NOL4L: variants seen among roughly 807,000 people sequenced by gnomAD.
The protein encoded by NOL4L is nucleolar protein 4 like.
Under a neutral mutation model 64.5 loss-of-function variants are expected in NOL4L, and 7 were observed. That is an observed-to-expected ratio of 0.11 (90% CI 0.06 to 0.20). NOL4L has a LOEUF of 0.20. Among genes scored for constraint, NOL4L ranks in the 10% least tolerant of loss-of-function variants. The pLI is 1.00. For missense variants in NOL4L, 680 were observed against 967.1 expected, an observed-to-expected ratio of 0.70 and a Z score of 3.94; for synonymous variants, 413 against 401.0, an observed-to-expected ratio of 1.03 and a Z score of -0.36.
intron 1 of NOL4L, among the ~76,000 whole-genome samples, chr20:32,564,154 T>C (rs1017590281): frequency 6.6e-6 from 1 of 152,086 alleles, no homozygotes; most frequent in Non-Finnish European, 1.5e-5. Flanking sequence ...CCATGACACA[T>C]CCACACAGTC....
chr20:32,550,783 G>A (rs2018790251), intron 1 of NOL4L, among the ~76,000 whole-genome samples: 1 of 152,146 alleles, frequency 6.6e-6, no homozygotes, highest in Non-Finnish European at 1.5e-5. Flanking sequence ...AGGAGGCTGA[G>A]GCAGGAGAAT....
intron 4 of NOL4L, 125 bp downstream of exon 4, chr20:32,511,222 G>A (rs1259717936): frequency 1.6e-6 from 1 of 642,504 alleles, no homozygotes; most frequent in East Asian, 2.8e-5. Flanking sequence ...CAGATAACCA[G>A]ATAAGGGCCT....
chr20:32,558,907 G>A (rs1465356835), intron 1 of NOL4L, among the ~76,000 whole-genome samples: 3 of 152,242 alleles, frequency 2.0e-5, no homozygotes, highest in Non-Finnish European at 4.4e-5. Flanking sequence ...CTGGACCGGA[G>A]CAGGGGCAGC....
At chr20:32,488,747 T>TTCCTTCCTTCC (rs1392925840) in intron 4 of NOL4L, among the ~76,000 whole-genome samples, 7 of 106,804 alleles carry the variant, frequency 6.6e-5, no homozygotes, top group Admixed American at 4.0e-4. Context: ...CTTTCTTTCT[T>TTCCTTCCTTCC]TTCCTTCCTT....
intron 6 of NOL4L, among the ~76,000 whole-genome samples, chr20:32,454,541 C>T (rs1224628437): frequency 5.3e-5 from 8 of 152,226 alleles, no homozygotes; most frequent in Non-Finnish European, 8.8e-5. Context: ...GGAGCAGCTC[C>T]CTCTTTTCCC....
At position 32,444,309 on chromosome 20, in the gene NOL4L, T is replaced by G. The variant is rs1407868420; in HGVS notation, c.*3287A>C. 6.6e-6 allele frequency: 1 copy of G among 152,242 alleles called. No homozygotes were observed. The highest frequency in any genetic ancestry group is 1.9e-4 in the East Asian group (1 of 5,206). 9.4% of individuals were successfully genotyped at this position (152,242 alleles called of 1,614,324 possible). On this transcript the variant is annotated 3_prime_UTR_variant, in exon 11 of 11. Transcript: ENST00000621426. ...GACCATGGACGGATTGAAACTGGTA[T>G]TCTGGTGAAATACTTTACTATTTTG... is the stretch of plus-strand genomic sequence containing the variant.
intron 1 of NOL4L, among the ~76,000 whole-genome samples, chr20:32,530,545 A>C (rs1230954942): frequency 6.6e-6 from 1 of 152,112 alleles, no homozygotes; most frequent in African/African-American, 2.4e-5. Context: ...CATCTCAAAA[A>C]AAAAAAAATG....
At chr20:32,529,780 G>A (rs1469897397) in intron 1 of NOL4L, among the ~76,000 whole-genome samples, 2 of 152,186 alleles carry the variant, frequency 1.3e-5, no homozygotes, top group Non-Finnish European at 2.9e-5. Context: ...CCATTTCAGT[G>A]GGACGTCTCA....
At chr20:32,475,288 C>T (rs1029833953) in intron 4 of NOL4L, 28 of 985,368 alleles carry the variant, frequency 2.8e-5, no homozygotes, top group Non-Finnish European at 3.4e-5. Context: ...CCTTCCTAAC[C>T]TTTGCTGTGC....
intron 4 of NOL4L, among the ~76,000 whole-genome samples, chr20:32,495,575 G>T (rs1185966883): frequency 6.6e-6 from 1 of 152,130 alleles, no homozygotes; most frequent in Admixed American, 6.5e-5. Context: ...ACAGTCCCTT[G>T]AAGAAAGGGG....
At chr20:32,548,983 T>C (rs1485002953) in intron 1 of NOL4L, 2 of 226,768 alleles carry the variant, frequency 8.8e-6, no homozygotes, top group Non-Finnish European at 1.8e-5. Context: ...ACCTGAAGAA[T>C]GTAAGAGCTA....
chr20:32,447,842 A>G, intron 10 of NOL4L, 26 bp from the exon 11 acceptor site: 1 of 1,523,212 alleles, frequency 6.6e-7, no homozygotes. Context: ...TAGGGTGAGA[A>G]GGGAGCAGCC....
chr20:32,466,422 C>A (rs567153483), intron 5 of NOL4L, among the ~76,000 whole-genome samples: 3 of 152,216 alleles, frequency 2.0e-5, no homozygotes, highest in South Asian at 4.1e-4. Context: ...CACCCCTTGG[C>A]GGGCCGGGGC....
intron 1 of NOL4L, among the ~76,000 whole-genome samples, chr20:32,565,405 A>T (rs2145616496): frequency 6.6e-6 from 1 of 152,284 alleles, no homozygotes; most frequent in Non-Finnish European, 1.5e-5. Flanking sequence ...CTGGTCGGGG[A>T]CCACAAATCT....
At chr20:32,524,122 G>A (rs944791286) in intron 2 of NOL4L, among the ~76,000 whole-genome samples, 1 of 152,186 alleles carries the variant, frequency 6.6e-6, no homozygotes, top group African/African-American at 2.4e-5. Flanking sequence ...AAAAGGGCTT[G>A]TTCCAACCCA....
At position 32,483,422 on chromosome 20, in the gene NOL4L, C is replaced by T. The variant is rs1400944520; in HGVS notation, c.700-8680G>A. The stretch of plus-strand genomic sequence containing the variant: ...ATCCGCGAGTGAGCGGGGCGGGCGG[C>T]GGTGACAGCCCCACAGCTCCAGCTG... On this transcript the variant is annotated intron_variant, in intron 4 of 10. Coordinates refer to ENST00000621426, the MANE Select transcript of NOL4L (RefSeq NM_001256798.2). 3 of 986,848 alleles carry T rather than the reference C, an allele frequency of 3.0e-6. No homozygotes were observed. The African/African-American group carries it at 5.3e-5, about 17-fold the overall frequency. 61.1% of individuals were successfully genotyped at this position (986,848 alleles called of 1,614,324 possible). A position where few individuals can be genotyped will look rare whatever the true frequency, so the allele number is the denominator to read the frequency against.
intron 5 of NOL4L, among the ~76,000 whole-genome samples, chr20:32,466,243 T>G (rs2014539462): frequency 6.6e-6 from 1 of 152,168 alleles, no homozygotes; most frequent in Non-Finnish European, 1.5e-5. Flanking sequence ...GCTGGGATTA[T>G]GGGCATGAGC....
intron 3 of NOL4L, 65 bp from the exon 4 acceptor site, chr20:32,511,521 C>G: frequency 8.7e-7 from 1 of 1,145,822 alleles, no homozygotes; most frequent in Non-Finnish European, 1.3e-6. Context: ...CCACATGGAG[C>G]ATTTAACAGA....
chr20:32,447,563 C>T lies in NOL4L; in HGVS notation c.*33G>A. On this transcript the variant is annotated 3_prime_UTR_variant, in exon 11 of 11. Coordinates refer to ENST00000621426, the MANE Select transcript of NOL4L (RefSeq NM_001256798.2). ...AGGTCCAGGCTGGGACAGCCTCCTTCCCTAGGGCAGTGCGCTCCAGGTGCC... is the reference window on the plus strand; with the variant it reads ...AGGTCCAGGCTGGGACAGCCTCCTTTCCTAGGGCAGTGCGCTCCAGGTGCC... 1 of 1,568,364 alleles carries T rather than the reference C, an allele frequency of 6.4e-7. No individual in the cohort carries two copies. The highest frequency in any genetic ancestry group is 2.2e-4 in the Middle Eastern group (1 of 4,576).
Sources: gnomAD v4.1 joint callset for allele counts (sites outside exome capture counted in the v4.1 genomes callset) on GRCh38, gnomAD v4.1.1 for gene constraint, MANE v1.5 for transcripts, NCBI Gene and HGNC (gene_info 2026-07-23, HGNC 2026-07-21) for gene names.